MAPK8IP1: variants seen among roughly 807,000 people sequenced by gnomAD.
The protein encoded by MAPK8IP1 is mitogen-activated protein kinase 8 interacting protein 1.
Under a neutral mutation model 72.6 loss-of-function variants are expected in MAPK8IP1, and 17 were observed. The observed-to-expected ratio is 0.23, with a 90% CI of 0.16 to 0.35. The LOEUF (loss-of-function observed/expected upper bound fraction) is 0.35, where lower values mean the gene tolerates loss of function less well. Ranked by LOEUF, MAPK8IP1 falls within the 10% of genes least tolerant of loss-of-function variation. The pLI is 1.00. For missense variants in MAPK8IP1, 789 were observed against 1,009.7 expected (o/e 0.78, Z 2.96); for synonymous variants, 401 against 443.4 (o/e 0.90, Z 1.20).
intron 1 of MAPK8IP1, chr11:45,896,866 G>C (rs952761258): frequency 6.5e-7 from 1 of 1,550,386 alleles, no homozygotes; most frequent in Admixed American, 2.0e-5. Context: ...CCCCCCGGCC[G>C]GGCAGGGCTC....
chr11:45,898,908 A>G (rs1427564495), intron 2 of MAPK8IP1, among the ~76,000 whole-genome samples: 1 of 152,182 alleles, frequency 6.6e-6, no homozygotes, highest in African/African-American at 2.4e-5. Flanking sequence ...CCGGCTTGCC[A>G]GGAAATGGAG....
rs769253057 is a variant in MAPK8IP1, at chr11:45,898,156, T to G, written c.173T>G (p.Ile58Ser). The G allele has an allele frequency of 6.2e-7, 1 of 1,613,644 alleles. No homozygotes were observed. Among genetic ancestry groups the G allele is most frequent in the Non-Finnish European group, 8.5e-7 (1 of 1,179,772 alleles). ...DLSEITDECG[I>S]SLQCKDTLSL... ...TCGGAGATCACTGATGAGTGTGGCA[T>G]CAGCTTACAGTGCAAAGACACCCTG... Residue 58 changes from isoleucine to serine, a missense_variant, in exon 2 of 12, where the codon ATC becomes AGC. By Grantham distance (142) the Ile-to-Ser change is moderately radical. Transcript: ENST00000241014.
At position 45,905,865 on chromosome 11, in the gene MAPK8IP1, G is replaced by A. The variant is rs2086704502; in HGVS notation, c.*144G>A. On this transcript the variant is annotated 3_prime_UTR_variant, in exon 12 of 12. Transcript: ENST00000241014. ...GTGGGGGCCGCTGGCCCAGGGTAGG[G>A]GAGGGTGGGGCAATGGGGAGAGGCA... The A allele has an allele frequency of 2.6e-6, 2 of 774,428 alleles. No individual in the cohort carries two copies. Among genetic ancestry groups the A allele is most frequent in the East Asian group, 2.4e-5 (1 of 40,880 alleles). 48.0% of individuals were successfully genotyped at this position (774,428 alleles called of 1,614,324 possible). A position where few individuals can be genotyped will look rare whatever the true frequency, so the allele number is the denominator to read the frequency against.
chr11:45,894,275 GAA>G, intron 1 of MAPK8IP1, among the ~76,000 whole-genome samples: 1 of 152,320 alleles, frequency 6.6e-6, no homozygotes, highest in East Asian at 1.9e-4. Flanking sequence ...GCTTCAACGT[GAA>G]AGAGTCAGGA....
chr11:45,888,842 G>C (rs1355532342), intron 1 of MAPK8IP1, among the ~76,000 whole-genome samples: 1 of 152,098 alleles, frequency 6.6e-6, no homozygotes, highest in Non-Finnish European at 1.5e-5. Context: ...TGGGATTACA[G>C]GTGCCCACCA....
rs759826690 is a variant in MAPK8IP1, at chr11:45,903,168, C to T, written c.1401C>T (p.Gly467=). ...AATTCCTGAACGTCTTCATGAGTGG[C>T]CGCTCCCGCTCCTCCAGTGAGTCAG... ...SKKFLNVFMS[G]RSRSSSAESF... Residue 467 remains glycine, a synonymous_variant, in exon 5 of 12, where the codon GGC becomes GGT. Transcript: ENST00000241014. This position sits in a 1 kb window ranked among gnomAD's most constrained non-coding sequence, Gnocchi z 6.4. The T allele has an allele frequency of 1.2e-6, 2 of 1,601,758 alleles. No individual in the cohort carries two copies. The highest frequency in any genetic ancestry group is 1.1e-5 in the South Asian group (1 of 90,618).
intron 1 of MAPK8IP1, among the ~76,000 whole-genome samples, chr11:45,891,597 A>C (rs76410933): frequency 0.023 from 3,455 of 152,280 alleles, 70 homozygotes; most frequent in Non-Finnish European, 0.035. Context: ...ATGACCCAAG[A>C]TGAAAGTCTG....
rs1212943028 is a variant in MAPK8IP1, at chr11:45,904,409, C to T, written c.1667-46C>T. 8.6e-6 allele frequency: 13 copies of T among 1,513,936 alleles called. No homozygotes were observed. The highest frequency in any genetic ancestry group is 4.2e-4 in the Middle Eastern group (2 of 4,732). 93.8% of individuals were successfully genotyped at this position (1,513,936 alleles called of 1,614,324 possible). Reference sequence around the variant, plus strand: ...CCCTCCTTCACTTGGCTGCTCAGCTCCCTCCTGCTCTTTCTGCCCCTCCTC... The same window carrying T: ...CCCTCCTTCACTTGGCTGCTCAGCTTCCTCCTGCTCTTTCTGCCCCTCCTC... On this transcript the variant is annotated intron_variant, in intron 7 of 11. Transcript: ENST00000241014. This position sits in a 1 kb window ranked among gnomAD's most constrained non-coding sequence, Gnocchi z 6.4.
intron 1 of MAPK8IP1, among the ~76,000 whole-genome samples, chr11:45,895,659 T>G (rs2086599992): frequency 1.5e-5 from 2 of 135,214 alleles, no homozygotes; most frequent in Non-Finnish European, 1.6e-5. Context: ...TATATATATA[T>G]ATGTGCAGAG....
Position 45,904,631 on chromosome 11 carries a change from G to C in MAPK8IP1, c.1776+67G>C. Reference sequence around the variant, plus strand: ...TGGGGCAGAGGGACGCAGGTGTCTAGAGGCAGTAAAGGGCTCAGGCCCTGG... The same window carrying C: ...TGGGGCAGAGGGACGCAGGTGTCTACAGGCAGTAAAGGGCTCAGGCCCTGG... On this transcript the variant is annotated intron_variant, in intron 8 of 11. Transcript: ENST00000241014. The surrounding 1 kb of genome is among the most constrained non-coding windows in gnomAD (Gnocchi z 6.4). 6.3e-7 allele frequency: 1 copy of C among 1,597,032 alleles called. No homozygotes were observed. The highest frequency in any genetic ancestry group is 2.2e-5 in the East Asian group (1 of 44,794).
Position 45,902,553 on chromosome 11 carries a change from G to A in MAPK8IP1, c.786G>A (p.Ser262=), listed in dbSNP as rs760993099. 22 of 1,612,370 alleles carry A rather than the reference G, an allele frequency of 1.4e-5. No individual in the cohort carries two copies. Among genetic ancestry groups the A allele is most frequent in the East Asian group, 2.2e-5 (1 of 44,830 alleles). Residue 262 remains serine, a synonymous_variant, in exon 5 of 12, where the codon TCG becomes TCA. Transcript: ENST00000241014. This position sits in a 1 kb window ranked among gnomAD's most constrained non-coding sequence, Gnocchi z 9.3. ...PAAPPGGRGH[S]HRDRIHYQAD... is the part of the protein sequence containing the mutation. ...CCCCGCCTGGGGGTCGGGGCCACTCGCATCGAGACCGAATCCACTACCAGG... is the reference window on the plus strand; with the variant it reads ...CCCCGCCTGGGGGTCGGGGCCACTCACATCGAGACCGAATCCACTACCAGG...
At position 45,902,846 on chromosome 11, in the gene MAPK8IP1, C is replaced by T. The variant is rs200281475; in HGVS notation, c.1079C>T (p.Pro360Leu). Residue 360 changes from proline to leucine, a missense_variant, in exon 5 of 12, where the codon CCG becomes CTG. By Grantham distance (98) the Pro-to-Leu change is moderately conservative (BLOSUM62 -3). Coordinates refer to ENST00000241014, the MANE Select transcript of MAPK8IP1 (RefSeq NM_005456.4). This position sits in a 1 kb window ranked among gnomAD's most constrained non-coding sequence, Gnocchi z 9.3. ...GGWRGSLGEP[P>L]PPPRASLSSD... ...TGGCGGGGGAGCCTGGGGGAGCCGC[C>T]GCCACCTCCACGGGCCTCTCTGAGC... The T allele has an allele frequency of 3.2e-6, 5 of 1,586,542 alleles. No individual in the cohort carries two copies. Among genetic ancestry groups the T allele is most frequent in the Admixed American group, 1.8e-5 (1 of 56,116 alleles).
chr11:45,885,737 CCT>C lies in MAPK8IP1; in HGVS notation c.-80_-79del, dbSNP rs1443427426. 5 of 747,878 alleles carry C rather than the reference CCT, an allele frequency of 6.7e-6. No homozygotes were observed. The East Asian group carries it at 1.8e-4, about 26-fold the overall frequency. The allele number at this position is 747,878 out of a possible 1,614,324, so 46.3% of individuals were successfully genotyped here. On this transcript the variant is annotated 5_prime_UTR_variant, in exon 1 of 12. Coordinates refer to ENST00000241014, the MANE Select transcript of MAPK8IP1 (RefSeq NM_005456.4). ...GCCCGAACTCCGCGGCGGCGGCTGC[CCT>C]CTCGCCGCGCCTCCGCCTCCTTCGC... is the stretch of plus-strand genomic sequence containing the variant.
chr11:45,897,376 C>T (rs1239068348), intron 1 of MAPK8IP1, among the ~76,000 whole-genome samples: 2 of 152,156 alleles, frequency 1.3e-5, no homozygotes, highest in East Asian at 3.9e-4. Flanking sequence ...GTGCTCTGAG[C>T]TGTCTCCCAA....
chr11:45,889,226 A>C (rs2086548919), intron 1 of MAPK8IP1, among the ~76,000 whole-genome samples: 1 of 152,208 alleles, frequency 6.6e-6, no homozygotes, highest in Admixed American at 6.5e-5. Flanking sequence ...GTGTGCATGA[A>C]ACAAAGTTTT....
Position 45,903,408 on chromosome 11 carries a change from G to A in MAPK8IP1, c.1461G>A (p.Glu487=), listed in dbSNP as rs1333908970. 4 of 1,613,236 alleles carry A rather than the reference G, an allele frequency of 2.5e-6. No homozygotes were observed. In the African/African-American group the frequency reaches 4.0e-5, roughly 16 times the overall value. The stretch of plus-strand genomic sequence containing the variant: ...TGTTCTCCTGCATCATCAACGGGGA[G>A]GAGCAGGAGCAGACCCACCGGGCCA... ...FGLFSCIING[E]EQEQTHRAIF... The change falls in exon 6 of 12, where the codon GAG becomes GAA. Residue 487 remains glutamate (E), a synonymous_variant. Coordinates refer to ENST00000241014, the MANE Select transcript of MAPK8IP1 (RefSeq NM_005456.4). This position sits in a 1 kb window ranked among gnomAD's most constrained non-coding sequence, Gnocchi z 6.4.
chr11:45,899,972 C>T (rs2086636784), intron 2 of MAPK8IP1, among the ~76,000 whole-genome samples, 166 bp from the exon 3 acceptor site: 1 of 152,142 alleles, frequency 6.6e-6, no homozygotes, highest in Non-Finnish European at 1.5e-5. Context: ...CCTCGCGCTT[C>T]CTCGCGGCGG....
intron 1 of MAPK8IP1, among the ~76,000 whole-genome samples, chr11:45,886,204 TC>T: frequency 6.6e-6 from 1 of 152,242 alleles, no homozygotes; most frequent in South Asian, 2.1e-4. Flanking sequence ...GGCCTCCTTC[TC>T]CCCAACCTCC....
rs1181641791 is a variant in MAPK8IP1 at position 45,903,602 on chromosome 11, T to C, written c.1493+162T>C. ...GTGTCCACTCTCTAGGGACTCAGAG[T>C]ATGGTGACAAAGAGGATGGCTACAG... On this transcript the variant is annotated intron_variant, in intron 6 of 11. Coordinates refer to ENST00000241014, the MANE Select transcript of MAPK8IP1 (RefSeq NM_005456.4). This position sits in a 1 kb window ranked among gnomAD's most constrained non-coding sequence, Gnocchi z 6.4. 1.3e-5 allele frequency among the ~76,000 whole-genome samples: 2 copies of C among 151,980 alleles called. No homozygotes were observed. Among genetic ancestry groups the C allele is most frequent in the African/African-American group, 2.4e-5 (1 of 41,376 alleles).
Sources: allele counts gnomAD v4.1 joint callset (sites outside exome capture counted in the v4.1 genomes callset), GRCh38; gene constraint gnomAD v4.1.1; non-coding constraint Gnocchi (gnomAD v3.1); transcripts MANE v1.5; gene names NCBI Gene and HGNC (gene_info 2026-07-23, HGNC 2026-07-21).